The following MYO1C variants were observed in gnomAD, a reference collection of about 807,000 sequenced individuals.
The protein encoded by MYO1C is unconventional myosin-Ic.
A neutral mutation model predicts 150.8 loss-of-function variants in MYO1C; 104 were observed. That is an observed-to-expected ratio of 0.69 (90% CI 0.59 to 0.81). MYO1C has a LOEUF of 0.81. MYO1C is among the 30% of genes least tolerant of loss of function. MYO1C has a pLI of 0.00. For synonymous variants in MYO1C, 663 were observed against 579.9 expected (o/e 1.14, Z -2.06); for missense variants, 1,504 against 1,435.0 (o/e 1.05, Z -0.78).
In MYO1C at chr17:1,470,242, A is replaced by C. The variant is rs977634126; in HGVS notation, c.2459T>G (p.Leu820Arg). ...DHVRTSFLLN[L>R]RRQLPQNVLD... ...GACATTCTGGGGCAGCTGCCGCCTC[A>C]GGTTTAGCAAAAAAGAGGTGCGCAC... Residue 820 changes from leucine to arginine, a missense_variant, in exon 24 of 32, where the codon CTG becomes CGG. Coordinates refer to ENST00000648651, the MANE Select transcript of MYO1C (RefSeq NM_001080779.2). 6.2e-6 allele frequency: 10 copies of C among 1,607,528 alleles called. No homozygotes were observed. The highest frequency in any genetic ancestry group is 8.5e-6 in the Non-Finnish European group (10 of 1,177,848).
chr17:1,484,911 C>T (rs936739362), intron 1 of MYO1C: 1 of 423,356 alleles, frequency 2.4e-6, no homozygotes, highest in East Asian at 8.3e-5. Context: ...GGTAGAGCGT[C>T]GAGCACCAAG....
intron 25 of MYO1C, chr17:1,468,718 T>G: frequency 1.7e-6 from 1 of 587,118 alleles, no homozygotes; most frequent in Admixed American, 3.0e-5. Flanking sequence ...ATGAAGGCAC[T>G]GCGGGGTTTT....
chr17:1,467,324 C>A lies in MYO1C; in HGVS notation c.3083G>T (p.Gly1028Val). 1 of 1,613,038 alleles carries A rather than the reference C, an allele frequency of 6.2e-7. No homozygotes were observed. Among genetic ancestry groups the A allele is most frequent in the Non-Finnish European group, 8.5e-7 (1 of 1,179,692 alleles). Residue 1028 changes from glycine (G) to valine (V), a missense_variant, in exon 31 of 32, where the codon GGC (glycine) becomes GTC (valine). Gly to Val is a moderately radical substitution (Grantham distance 109, BLOSUM62 -3). Coordinates refer to ENST00000648651, the MANE Select transcript of MYO1C (RefSeq NM_001080779.2). ...GTCAATGGTGCCATCCCTGCCGGGG[C>A]CCCCTGCAAACGTGATGCTGGGGGA... Reference protein sequence around the residue: ...INQGSITFAGGPGRDGTIDFT... With the variant: ...INQGSITFAGVPGRDGTIDFT...
intron 1 of MYO1C, chr17:1,491,579 C>T (rs1345700864): frequency 1.0e-6 from 1 of 975,202 alleles, no homozygotes; most frequent in East Asian, 1.1e-4. Context: ...CGGCCGCCGT[C>T]CCCGCGCCCC....
intron 24 of MYO1C, 97 bp downstream of exon 24, chr17:1,470,078 C>A: frequency 7.6e-7 from 1 of 1,319,058 alleles, no homozygotes; most frequent in Non-Finnish European, 1.0e-6. Context: ...CCGGGCCCTC[C>A]GTGAGCCCTC....
chr17:1,474,894 C>T, intron 15 of MYO1C, 36 bp from the exon 16 acceptor site: 1 of 1,613,278 alleles, frequency 6.2e-7, no homozygotes, highest in African/African-American at 1.3e-5. Context: ...TGAGACAGAG[C>T]CTCCCCGCAG....
Position 1,468,296 on chromosome 17 carries a change from A to T in MYO1C, c.2717T>A (p.Ile906Asn). ...CAAGGCCTGCAGCACTCGGGGGCTG[A>T]TCTCATCTGTACCTGCAACTCAGAT... Reference protein sequence around the residue: ...FISTRLGTDEISPRVLQALGS... With the variant: ...FISTRLGTDENSPRVLQALGS... Residue 906 changes from isoleucine to asparagine, a missense_variant, in exon 27 of 32, where the codon ATC becomes AAC. Coordinates refer to ENST00000648651, the MANE Select transcript of MYO1C (RefSeq NM_001080779.2). 1 of 1,613,930 alleles carries T rather than the reference A, an allele frequency of 6.2e-7. No homozygotes were observed. Among genetic ancestry groups the T allele is most frequent in the Non-Finnish European group, 8.5e-7 (1 of 1,179,996 alleles).
chr17:1,482,082 C>T (rs752566856), intron 5 of MYO1C, among the ~76,000 whole-genome samples: 1 of 151,968 alleles, frequency 6.6e-6, no homozygotes, highest in Non-Finnish European at 1.5e-5. Flanking sequence ...GGTCTCACTC[C>T]GTAGCCCAAG....
At chr17:1,483,840 T>TC (rs1220930949) in intron 2 of MYO1C, 115 bp from the exon 3 acceptor site, 6 of 839,528 alleles carry the variant, frequency 7.1e-6, no homozygotes, top group African/African-American at 5.1e-5. Flanking sequence ...GGTCGGGAGT[T>TC]CAAGACCAAC....
chr17:1,469,131 C>A, intron 25 of MYO1C: 1 of 334,064 alleles, frequency 3.0e-6, no homozygotes, highest in Non-Finnish European at 5.9e-6. Context: ...GTAAATAGAG[C>A]AGACCGGGGT....
Position 1,482,982 on chromosome 17 carries a change from C to T in MYO1C, c.425G>A (p.Ser142Asn). The change falls in exon 4 of 32, where the codon AGC becomes AAC. Residue 142 changes from serine to asparagine, a missense_variant. Physicochemically the swap from Ser to Asn is conservative, Grantham distance 46. Coordinates refer to ENST00000648651, the MANE Select transcript of MYO1C (RefSeq NM_001080779.2). ...GGTGGCCTCGGTCTTGCCTGCCCCG[C>T]TCTCCCCAGAGATCATCACAGCCTG... ...RDQAVMISGE[S>N]GAGKTEATKR... The T allele has an allele frequency of 6.2e-7, 1 of 1,612,730 alleles. No individual in the cohort carries two copies. The highest frequency in any genetic ancestry group is 8.5e-7 in the Non-Finnish European group (1 of 1,179,950).
chr17:1,471,902 C>A lies in MYO1C; in HGVS notation c.2021+5G>T. The A allele has an allele frequency of 6.2e-7, 1 of 1,613,940 alleles. No homozygotes were observed. Among genetic ancestry groups the A allele is most frequent in the Non-Finnish European group, 8.5e-7 (1 of 1,179,884 alleles). Reference sequence around the variant, plus strand: ...TCCCTGGCACCGAGCAGGACCTGCCCCCACCTTTGCAGGAAAGCTTCGTAT... The same window carrying A: ...TCCCTGGCACCGAGCAGGACCTGCCACCACCTTTGCAGGAAAGCTTCGTAT... On this transcript the variant is annotated splice_donor_5th_base_variant and intron_variant, in intron 19 of 31. Transcript: ENST00000648651.
Position 1,483,685 on chromosome 17 carries a change from C to T in MYO1C, c.272G>A (p.Arg91Gln), listed in dbSNP as rs200125134. ...CTGCCGGCTGTAGATCTGCAGGTCC[C>T]GGTAGGGATTGACAGAGACCAGGAC... ...GPVLVSVNPY[R>Q]DLQIYSRQHM... Residue 91 changes from arginine (R) to glutamine (Q), a missense_variant, in exon 3 of 32, where the codon CGG becomes CAG. Coordinates refer to ENST00000648651, the MANE Select transcript of MYO1C (RefSeq NM_001080779.2). 26 of 1,613,048 alleles carry T rather than the reference C, an allele frequency of 1.6e-5. 1 individual carries two copies. The highest frequency in any genetic ancestry group is 3.3e-5 in the Admixed American group (2 of 59,860).
intron 5 of MYO1C, chr17:1,481,159 C>T: frequency 2.1e-6 from 1 of 483,796 alleles, no homozygotes; most frequent in East Asian, 3.9e-5. Flanking sequence ...AACACCGGAC[C>T]TTCTCCCTCT....
Position 1,480,726 on chromosome 17 carries a change from T to C in MYO1C, c.787A>G (p.Ser263Gly), listed in dbSNP as rs756720803. 1.9e-6 allele frequency: 3 copies of C among 1,614,084 alleles called. No individual in the cohort carries two copies. Among genetic ancestry groups the C allele is most frequent in the East Asian group, 4.5e-5 (2 of 44,866 alleles). The change falls in exon 6 of 32, where the codon AGC becomes GGC. Residue 263 changes from serine (S) to glycine (G), a missense_variant. By Grantham distance (56) the Ser-to-Gly change is moderately conservative. Transcript: ENST00000648651. ...CTCACCTTCACCAGGTACAGGTAGC[T>C]CTGGGGGTTCCGTTCCAAGCCCAGC... ...RRLGLERNPQ[S>G]YLYLVKGQCA...
At chr17:1,477,823 G>A in intron 13 of MYO1C, 68 bp downstream of exon 13, 1 of 1,439,256 alleles carries the variant, frequency 6.9e-7, no homozygotes, top group South Asian at 1.1e-5. Flanking sequence ...AGCCTGGAGA[G>A]AACGGAGAAG....
In MYO1C at chr17:1,471,135, G is replaced by A. The variant is rs766761529; in HGVS notation, c.2148C>T (p.Phe716=). Residue 716 remains phenylalanine, a synonymous_variant, in exon 21 of 32, where the codon TTC becomes TTT. Coordinates refer to ENST00000648651, the MANE Select transcript of MYO1C (RefSeq NM_001080779.2). ...CAAACAGGGTCTTGGGGAAGCGGAT[G>A]AAGATCTTGGTCCTGGGAGAGCAGT... ...EEYKMGRTKI[F]IRFPKTLFAT... 1.7e-5 allele frequency: 27 copies of A among 1,614,044 alleles called. No individual in the cohort carries two copies. The highest frequency in any genetic ancestry group is 3.3e-5 in the Admixed American group (2 of 60,000).
At position 1,478,847 on chromosome 17, in the gene MYO1C, A is replaced by G; in HGVS notation, c.1093-112T>C. 6.5e-7 allele frequency: 1 copy of G among 1,536,788 alleles called. No individual in the cohort carries two copies. Among genetic ancestry groups the G allele is most frequent in the Non-Finnish European group, 8.8e-7 (1 of 1,135,722 alleles). On this transcript the variant is annotated intron_variant, in intron 9 of 31. Transcript: ENST00000648651. The surrounding 1 kb of genome is among the most constrained non-coding windows in gnomAD (Gnocchi z 6.3). ...GCCACCACTCTGCACTCCCAGCTCC[A>G]GCAAGCCTGCAGTATGGGGAGGGGT...
intron 1 of MYO1C, chr17:1,491,456 C>CCGT: frequency 8.2e-6 from 1 of 121,734 alleles, no homozygotes; most frequent in Non-Finnish European, 1.1e-5. Context: ...GACCCCCCCC[C>CCGT]CCCGCACGGG....
Sources: allele counts gnomAD v4.1 joint callset (sites outside exome capture counted in the v4.1 genomes callset), GRCh38; gene constraint gnomAD v4.1.1; non-coding constraint Gnocchi (gnomAD v3.1); transcripts MANE v1.5; gene names NCBI Gene and HGNC (gene_info 2026-07-23, HGNC 2026-07-21).